CACNA1D: variants seen among roughly 807,000 people sequenced by gnomAD.
CACNA1D encodes the protein voltage-dependent L-type calcium channel subunit alpha-1D.
Under a neutral mutation model 257.1 loss-of-function variants are expected in CACNA1D, and 55 were observed. The observed-to-expected ratio is 0.21, with a 90% CI of 0.17 to 0.27. CACNA1D has a LOEUF of 0.27. CACNA1D is among the 10% of genes least tolerant of loss of function. The pLI, the probability that CACNA1D is intolerant of heterozygous loss-of-function variation, is 1.00. For synonymous variants in CACNA1D, 980 were observed against 1,014.9 expected, an observed-to-expected ratio of 0.97 and a Z score of 0.65; for missense variants, 1,876 against 2,784.0, an observed-to-expected ratio of 0.67 and a Z score of 7.34.
At chr3:53,600,853 G>A (rs906836171) in intron 3 of CACNA1D, among the ~76,000 whole-genome samples, 16 of 152,066 alleles carry the variant, frequency 1.1e-4, no homozygotes, top group African/African-American at 2.4e-4. Flanking sequence ...CCCCCTGTTC[G>A]CTGAAGGACT....
At chr3:53,742,876 C>T (rs1228474600) in intron 21 of CACNA1D, 135 bp from the exon 22 acceptor site, 22 of 717,706 alleles carry the variant, frequency 3.1e-5, no homozygotes, top group Middle Eastern at 2.9e-4. Context: ...GGCTCAACCC[C>T]GTTGGTTTAC....
At chr3:53,593,247 A>T (rs916958740) in intron 3 of CACNA1D, among the ~76,000 whole-genome samples, 4 of 152,204 alleles carry the variant, frequency 2.6e-5, no homozygotes, top group South Asian at 2.1e-4. Flanking sequence ...GATGGCCACG[A>T]ATCTAATTTT....
chr3:53,661,690 T>C (rs1024425669), intron 5 of CACNA1D, among the ~76,000 whole-genome samples: 4 of 152,188 alleles, frequency 2.6e-5, no homozygotes, highest in African/African-American at 9.6e-5. Context: ...GCTGTGTGCG[T>C]GTGTGCGTGC....
At chr3:53,554,112 C>T (rs1293498834) in intron 3 of CACNA1D, among the ~76,000 whole-genome samples, 1 of 151,220 alleles carries the variant, frequency 6.6e-6, no homozygotes, top group Non-Finnish European at 1.5e-5. Context: ...AGGAGAATGG[C>T]GTGAACCCGG....
chr3:53,602,503 C>G (rs1384451177), intron 3 of CACNA1D, among the ~76,000 whole-genome samples: 1 of 152,168 alleles, frequency 6.6e-6, no homozygotes, highest in Non-Finnish European at 1.5e-5. Context: ...TATGATAGTT[C>G]TATTTTTAGT....
In CACNA1D at chr3:53,584,606, G is replaced by T. The variant is rs146288587; in HGVS notation, c.484-66173G>T. On this transcript the variant is annotated intron_variant, in intron 3 of 47. Transcript: ENST00000350061. ...AGGAAGACTCAGTGCCTGCTCTCAG[G>T]GAGCTCACCTTTGATTGCTTCCTTA... Among the ~76,000 whole-genome samples the T allele has an allele frequency of 1.2e-4, 19 of 152,296 alleles. No homozygotes were observed. In the East Asian group the frequency reaches 3.7e-3, roughly 29 times the overall value.
chr3:53,676,737 T>G (rs1376226554), intron 8 of CACNA1D, among the ~76,000 whole-genome samples: 3 of 152,216 alleles, frequency 2.0e-5, no homozygotes, highest in Non-Finnish European at 4.4e-5. Flanking sequence ...TTGGATTTGG[T>G]GTTTATTTGT....
At chr3:53,593,695 AGT>A (rs571050847) in intron 3 of CACNA1D, among the ~76,000 whole-genome samples, 61 of 152,282 alleles carry the variant, frequency 4.0e-4, no homozygotes, top group African/African-American at 1.5e-3. Context: ...TCCCCCTCAA[AGT>A]GTGGGAAGAG....
chr3:53,647,466 T>C (rs1264667758), intron 3 of CACNA1D, among the ~76,000 whole-genome samples: 1 of 152,204 alleles, frequency 6.6e-6, no homozygotes, highest in East Asian at 1.9e-4. Flanking sequence ...TTGACAGTGC[T>C]TCTTCCTCTG....
At chr3:53,615,064 T>C (rs755015596) in intron 3 of CACNA1D, among the ~76,000 whole-genome samples, 32 of 152,190 alleles carry the variant, frequency 2.1e-4, no homozygotes, top group Non-Finnish European at 2.6e-4. Flanking sequence ...ATAGAAAATA[T>C]GCAAAGTTGC....
At chr3:53,768,600 A>C (rs1051426204) in intron 30 of CACNA1D, among the ~76,000 whole-genome samples, 2 of 152,232 alleles carry the variant, frequency 1.3e-5, no homozygotes, top group Non-Finnish European at 2.9e-5. Flanking sequence ...GGTTTTTGAT[A>C]AACCTGTGGC....
At chr3:53,691,931 T>A (rs1302737799) in intron 8 of CACNA1D, among the ~76,000 whole-genome samples, 4 of 64,366 alleles carry the variant, frequency 6.2e-5, no homozygotes, top group South Asian at 4.3e-4. Context: ...ATTATATATA[T>A]TATATATATA....
At chr3:53,588,303 T>C (rs2093251797) in intron 3 of CACNA1D, among the ~76,000 whole-genome samples, 1 of 152,148 alleles carries the variant, frequency 6.6e-6, no homozygotes, top group Non-Finnish European at 1.5e-5. Context: ...CTCACCAGTG[T>C]TTGCTGAGTG....
intron 40 of CACNA1D, among the ~76,000 whole-genome samples, chr3:53,798,340 T>C (rs536220365): frequency 4.2e-5 from 6 of 142,278 alleles, no homozygotes; most frequent in Admixed American, 6.7e-5. Flanking sequence ...TGTGTGTGCG[T>C]GTGTGTGTGC....
At chr3:53,597,880 A>G (rs150806367) in intron 3 of CACNA1D, among the ~76,000 whole-genome samples, 4 of 152,340 alleles carry the variant, frequency 2.6e-5, no homozygotes, top group Admixed American at 2.0e-4. Flanking sequence ...AACAATTACT[A>G]TTAGGTTGGT....
At chr3:53,516,961 G>C (rs1390355186) in intron 3 of CACNA1D, among the ~76,000 whole-genome samples, 1 of 152,242 alleles carries the variant, frequency 6.6e-6, no homozygotes, top group Non-Finnish European at 1.5e-5. Context: ...ATGTCATGGA[G>C]AGAATGCTGA....
In CACNA1D at chr3:53,495,047, C is replaced by G. The variant is rs1484213978; in HGVS notation, c.-120C>G. ...GTCCCTCCCCACCCCCCTGCTGAAG[C>G]GAGAATAAGGGCAGGGACCGCGGCT... On this transcript the variant is annotated 5_prime_UTR_variant, in exon 1 of 48. Transcript: ENST00000350061. The surrounding 1 kb of genome is among the most constrained non-coding windows in gnomAD (Gnocchi z 5.1). 5.4e-6 allele frequency: 3 copies of G among 553,924 alleles called. No individual in the cohort carries two copies. Among genetic ancestry groups the G allele is most frequent in the African/African-American group, 3.8e-5 (2 of 52,360 alleles). The allele number at this position is 553,924 out of a possible 1,614,324, so 34.3% of individuals were successfully genotyped here.
At chr3:53,500,896 C>T (rs1173127820) in intron 2 of CACNA1D, among the ~76,000 whole-genome samples, 2 of 152,024 alleles carry the variant, frequency 1.3e-5, no homozygotes, top group African/African-American at 4.8e-5. Context: ...TTTCTTATGG[C>T]TTTTTAATTT....
In CACNA1D at chr3:53,642,293, G is replaced by A. The variant is rs534057471; in HGVS notation, c.484-8486G>A. On this transcript the variant is annotated intron_variant, in intron 3 of 47. Coordinates refer to ENST00000350061, the MANE Select transcript of CACNA1D (RefSeq NM_001128840.3). Reference sequence around the variant, plus strand: ...AACTCTAGGCTTGTGGTCTCTCAGGGCTGAATCCAGCCAACAAAAGAACTT... The same window carrying A: ...AACTCTAGGCTTGTGGTCTCTCAGGACTGAATCCAGCCAACAAAAGAACTT... Among the ~76,000 whole-genome samples the A allele has an allele frequency of 2.6e-5, 4 of 152,310 alleles. No individual in the cohort carries two copies. In the East Asian group the frequency reaches 7.7e-4, roughly 29 times the overall value.
Sources: allele counts gnomAD v4.1 joint callset (sites outside exome capture counted in the v4.1 genomes callset), GRCh38; gene constraint gnomAD v4.1.1; non-coding constraint Gnocchi (gnomAD v3.1); transcripts MANE v1.5; gene names NCBI Gene and HGNC (gene_info 2026-07-23, HGNC 2026-07-21).